Variants in ANKRD31 observed in about 807,000 individuals in gnomAD.
The protein encoded by ANKRD31 is ankyrin repeat domain-containing protein 31.
In ANKRD31, 147 loss-of-function variants were observed where a neutral mutation model predicts 186.0. The observed-to-expected ratio is 0.79, with a 90% CI of 0.69 to 0.91. ANKRD31 has a LOEUF of 0.91. ANKRD31 is among the 40% of genes least tolerant of loss of function. The pLI, the probability that ANKRD31 is intolerant of heterozygous loss-of-function variation, is 0.00. For synonymous variants in ANKRD31, 673 were observed against 736.4 expected (o/e 0.91, Z 1.39); for missense variants, 1,986 against 2,148.8 (o/e 0.92, Z 1.50).
intron 1 of ANKRD31, among the ~76,000 whole-genome samples, chr5:75,232,901 T>C (rs1758035060): frequency 6.6e-6 from 1 of 152,198 alleles, no homozygotes; most frequent in Non-Finnish European, 1.5e-5. Context: ...GAAACATTTC[T>C]CAATAGCCAA....
Position 75,146,296 on chromosome 5 carries a change from G to A in ANKRD31, c.3115C>T (p.Pro1039Ser). ...TTCATTAAAAAAGTTGGTGCTCTGGGAATATAATCCTGTGGCTTTTTGAAT... is the reference window on the plus strand; with the variant it reads ...TTCATTAAAAAAGTTGGTGCTCTGGAAATATAATCCTGTGGCTTTTTGAAT... ...ELFKKPQDYIPRAPTFLMNQT... is the reference protein window; with the variant it reads ...ELFKKPQDYISRAPTFLMNQT... Residue 1039 changes from proline (P) to serine (S), a missense_variant, in exon 14 of 26, where the codon CCC becomes TCC. Physicochemically the swap from Pro to Ser is moderately conservative, Grantham distance 74. Coordinates refer to ENST00000506364, the MANE Select transcript of ANKRD31 (RefSeq NM_001372053.1). 1 of 1,536,540 alleles carries A rather than the reference G, an allele frequency of 6.5e-7. No individual in the cohort carries two copies. Among genetic ancestry groups the A allele is most frequent in the South Asian group, 1.2e-5 (1 of 84,042 alleles).
In ANKRD31 at chr5:75,192,777, C is replaced by A. The variant is rs1244919783; in HGVS notation, c.1299-1G>T. 1 of 1,523,380 alleles carries A rather than the reference C, an allele frequency of 6.6e-7. No homozygotes were observed. Among genetic ancestry groups the A allele is most frequent in the Non-Finnish European group, 8.8e-7 (1 of 1,140,692 alleles). 94.4% of individuals were successfully genotyped at this position (1,523,380 alleles called of 1,614,324 possible). A position where few individuals can be genotyped will look rare whatever the true frequency, so the allele number is the denominator to read the frequency against. On this transcript the variant is annotated splice_acceptor_variant, in intron 8 of 25. Transcript: ENST00000506364. LOFTEE classifies it high-confidence loss of function. ...AATCATTAAAGCCGGATCCTGCATT[C>A]TTGAAAAACAACGTATTTTTTAAAT...
chr5:75,234,006 T>C (rs1758106580), intron 1 of ANKRD31, among the ~76,000 whole-genome samples: 2 of 152,206 alleles, frequency 1.3e-5, no homozygotes, highest in South Asian at 4.1e-4. Flanking sequence ...TCAGAGTTAT[T>C]TGCAATAACA....
Position 75,206,455 on chromosome 5 carries a change from G to A in ANKRD31, c.359C>T (p.Ser120Leu), listed in dbSNP as rs1005055231. Residue 120 changes from serine (S) to leucine (L), a missense_variant, in exon 5 of 26, where the codon TCG becomes TTG. Transcript: ENST00000506364. ...CAATGAAAGTCCAGACTGGCGAAAC[G>A]ACCCAATGAACATTGAACAGTTTTT... ...TRKNCSMFIGSFRQSGLSLNH... is the reference protein window; with the variant it reads ...TRKNCSMFIGLFRQSGLSLNH... 1.6e-5 allele frequency: 23 copies of A among 1,473,200 alleles called. No individual in the cohort carries two copies. Among genetic ancestry groups the A allele is most frequent in the South Asian group, 8.4e-5 (6 of 71,582 alleles). 91.3% of individuals were successfully genotyped at this position (1,473,200 alleles called of 1,614,324 possible).
At chr5:75,072,898 A>C (rs1744354680) in intron 25 of ANKRD31, among the ~76,000 whole-genome samples, 1 of 152,232 alleles carries the variant, frequency 6.6e-6, no homozygotes, top group Non-Finnish European at 1.5e-5. Context: ...TCCATACGTT[A>C]AGGTATTGGT....
chr5:75,228,110 T>C (rs994426791), intron 2 of ANKRD31, among the ~76,000 whole-genome samples: 24 of 152,234 alleles, frequency 1.6e-4, no homozygotes, highest in African/African-American at 5.1e-4. Context: ...TATTGCATTC[T>C]TTTGTTTTAC....
chr5:75,220,080 G>A (rs903304484), intron 3 of ANKRD31, among the ~76,000 whole-genome samples: 5 of 152,122 alleles, frequency 3.3e-5, no homozygotes, highest in African/African-American at 9.7e-5. Context: ...ATGGAAACTG[G>A]CAAAGATTTG....
chr5:75,140,049 C>T (rs1469260156), intron 15 of ANKRD31, among the ~76,000 whole-genome samples: 1 of 151,826 alleles, frequency 6.6e-6, no homozygotes, highest in Non-Finnish European at 1.5e-5. Flanking sequence ...ACTAAAAATA[C>T]AAAACTTAGC....
At chr5:75,102,172 T>C (rs1291544998) in intron 22 of ANKRD31, among the ~76,000 whole-genome samples, 4 of 152,184 alleles carry the variant, frequency 2.6e-5, no homozygotes, top group African/African-American at 4.8e-5. Context: ...CAGCTGCAGG[T>C]CTGTTGGGAG....
intron 25 of ANKRD31, among the ~76,000 whole-genome samples, chr5:75,078,191 C>A (rs1433556897): frequency 6.6e-6 from 1 of 152,038 alleles, no homozygotes; most frequent in East Asian, 1.9e-4. Context: ...AATAAACACC[C>A]TATGCACTGT....
intron 6 of ANKRD31, among the ~76,000 whole-genome samples, chr5:75,197,196 C>T (rs1580537450): frequency 6.6e-6 from 1 of 152,224 alleles, no homozygotes; most frequent in African/African-American, 2.4e-5. Context: ...GCCACCATGC[C>T]CAGCCTCACA....
chr5:75,068,930 C>T lies in ANKRD31; in HGVS notation c.5648-266G>A, dbSNP rs544192015. Among the ~76,000 whole-genome samples, 3 of 151,104 alleles carry T rather than the reference C, an allele frequency of 2.0e-5. No homozygotes were observed. The East Asian group carries it at 5.8e-4, about 29-fold the overall frequency. On this transcript the variant is annotated intron_variant, in intron 25 of 25. Transcript: ENST00000506364. ...GTGGAAGCTTCTGAAGGTAGTGGTA[C>T]AAGCTCCTCTCTGCCTCAATTTCCA...
chr5:75,071,564 C>T lies in ANKRD31; in HGVS notation c.5648-2900G>A, dbSNP rs546752421. On this transcript the variant is annotated intron_variant, in intron 25 of 25. Coordinates refer to ENST00000506364, the MANE Select transcript of ANKRD31 (RefSeq NM_001372053.1). ...AGCCTGGAGTACAATAGTGCAATCT[C>T]AACTCACTGCGACCTCTGCCTCCCA... Among the ~76,000 whole-genome samples the T allele has an allele frequency of 5.0e-4, 75 of 149,492 alleles. 1 individual carries two copies. In the South Asian group the frequency reaches 0.015, roughly 30 times the overall value.
intron 10 of ANKRD31, among the ~76,000 whole-genome samples, chr5:75,184,731 G>A (rs1754582130): frequency 6.6e-6 from 1 of 152,142 alleles, no homozygotes. Context: ...TGATGAGGAT[G>A]TGGAGAAAAG....
rs567033214 is a variant in ANKRD31, at chr5:75,218,279, C to T, written c.288+3970G>A. Among the ~76,000 whole-genome samples, 7 of 152,190 alleles carry T rather than the reference C, an allele frequency of 4.6e-5. No individual in the cohort carries two copies. The East Asian group carries it at 1.4e-3, about 29-fold the overall frequency. ...AAAGGAGATGTTACCACTGACCCCACAAAAATGCAAACAGCCATCAGAGAC... is the reference window on the plus strand; with the variant it reads ...AAAGGAGATGTTACCACTGACCCCATAAAAATGCAAACAGCCATCAGAGAC... On this transcript the variant is annotated intron_variant, in intron 3 of 25. Coordinates refer to ENST00000506364, the MANE Select transcript of ANKRD31 (RefSeq NM_001372053.1).
chr5:75,087,369 T>C (rs1745580592), intron 23 of ANKRD31, among the ~76,000 whole-genome samples: 1 of 152,062 alleles, frequency 6.6e-6, no homozygotes, highest in African/African-American at 2.4e-5. Context: ...TAGCCAGGCA[T>C]GGTGGTGCAT....
At chr5:75,199,599 C>G (rs1474258714) in intron 6 of ANKRD31, 32 bp downstream of exon 6, 1 of 1,490,858 alleles carries the variant, frequency 6.7e-7, no homozygotes, top group East Asian at 2.6e-5. Flanking sequence ...AACTCACAGT[C>G]TACATAGTTA....
intron 2 of ANKRD31, among the ~76,000 whole-genome samples, chr5:75,225,138 G>T (rs1467890128): frequency 6.6e-6 from 1 of 152,178 alleles, no homozygotes; most frequent in Non-Finnish European, 1.5e-5. Flanking sequence ...GGAAATATAT[G>T]TCAAGAGCTG....
intron 12 of ANKRD31, among the ~76,000 whole-genome samples, chr5:75,150,527 A>T (rs1399678271): frequency 6.6e-6 from 1 of 152,024 alleles, no homozygotes; most frequent in Non-Finnish European, 1.5e-5. Context: ...GAAATATTCA[A>T]ACCATCTGGT....
Sources: allele counts gnomAD v4.1 joint callset (sites outside exome capture counted in the v4.1 genomes callset), GRCh38; gene constraint gnomAD v4.1.1; transcripts MANE v1.5; gene names NCBI Gene and HGNC (gene_info 2026-07-23, HGNC 2026-07-21).